WDSUB1: variants seen among roughly 807,000 people sequenced by gnomAD.
WDSUB1 encodes the protein WD repeat, SAM and U-box domain-containing protein 1.
Under a neutral mutation model 53.9 loss-of-function variants are expected in WDSUB1, and 49 were observed. That is an observed-to-expected ratio of 0.91 (90% CI 0.72 to 1.15). The LOEUF (loss-of-function observed/expected upper bound fraction) is 1.15, where lower values mean the gene tolerates loss of function less well. Among genes scored for constraint, WDSUB1 ranks in the 50% most tolerant of loss-of-function variants. WDSUB1 has a pLI of 0.00. For synonymous variants in WDSUB1, 194 were observed against 200.6 expected (o/e 0.97, Z 0.28); for missense variants, 514 against 562.0 (o/e 0.91, Z 0.86).
chr2:159,272,879 CTACTT>C (rs1168048565), intron 4 of WDSUB1, among the ~76,000 whole-genome samples: 6 of 152,100 alleles, frequency 3.9e-5, no homozygotes, highest in African/African-American at 1.2e-4. Context: ...AACATCACAA[CTACTT>C]TAAAAGTATA....
intron 5 of WDSUB1, among the ~76,000 whole-genome samples, chr2:159,262,906 T>C (rs1391043117): frequency 6.6e-6 from 1 of 152,132 alleles, no homozygotes; most frequent in African/African-American, 2.4e-5. Context: ...CTATAGTTCC[T>C]CCCCCAAATT....
chr2:159,252,807 T>A (rs1047503007), intron 9 of WDSUB1, among the ~76,000 whole-genome samples: 1 of 152,168 alleles, frequency 6.6e-6, no homozygotes, highest in African/African-American at 2.4e-5. Context: ...AATTAGAAAA[T>A]GATAAAAATG....
At chr2:159,239,422 ATT>A (rs1318891296) in intron 10 of WDSUB1, among the ~76,000 whole-genome samples, 4 of 152,112 alleles carry the variant, frequency 2.6e-5, no homozygotes, top group Admixed American at 6.5e-5. Flanking sequence ...CAAAATTCAT[ATT>A]GTTTATAGAT....
At chr2:159,258,371 T>C (rs2061115098) in intron 6 of WDSUB1, among the ~76,000 whole-genome samples, 1 of 152,098 alleles carries the variant, frequency 6.6e-6, no homozygotes, top group South Asian at 2.1e-4. Flanking sequence ...TAGAAATTAG[T>C]CCCTTGGCCG....
At chr2:159,270,141 C>T (rs58122090) in intron 5 of WDSUB1, among the ~76,000 whole-genome samples, 1,924 of 152,200 alleles carry the variant, frequency 0.013, 45 homozygotes, top group African/African-American at 0.044. Flanking sequence ...TTATATATTT[C>T]CTTATATTGG....
intron 5 of WDSUB1, among the ~76,000 whole-genome samples, chr2:159,267,158 T>C (rs2061362005): frequency 6.6e-6 from 1 of 152,200 alleles, no homozygotes; most frequent in South Asian, 2.1e-4. Context: ...TACATTTTGA[T>C]CTACTCAAGA....
At chr2:159,254,422 A>G (rs950280836) in intron 9 of WDSUB1, among the ~76,000 whole-genome samples, 1 of 151,992 alleles carries the variant, frequency 6.6e-6, no homozygotes, top group African/African-American at 2.4e-5. Flanking sequence ...TTAGCCAGGC[A>G]TGGTGGCACA....
At chr2:159,271,938 A>G in intron 4 of WDSUB1, 143 bp from the exon 5 acceptor site, 1 of 655,528 alleles carries the variant, frequency 1.5e-6, no homozygotes, top group South Asian at 2.0e-5. Flanking sequence ...CATGCAGCTC[A>G]GATATCTATA....
chr2:159,246,615 C>T (rs960220047), intron 10 of WDSUB1, among the ~76,000 whole-genome samples: 5 of 152,100 alleles, frequency 3.3e-5, no homozygotes, highest in East Asian at 1.9e-4. Context: ...ATTCGCTTAT[C>T]GTACAACCCA....
At chr2:159,283,355 AC>A (rs1182324974) in intron 1 of WDSUB1, among the ~76,000 whole-genome samples, 5 of 152,026 alleles carry the variant, frequency 3.3e-5, no homozygotes, top group African/African-American at 9.7e-5. Flanking sequence ...TAAGCAGCAC[AC>A]CCTCGATCCC....
chr2:159,245,513 A>G (rs948956542), intron 10 of WDSUB1, among the ~76,000 whole-genome samples: 9 of 149,152 alleles, frequency 6.0e-5, no homozygotes, highest in Non-Finnish European at 1.0e-4. Flanking sequence ...AGCGTGGGCA[A>G]CAGAGCAAGA....
Position 159,279,921 on chromosome 2 carries a change from G to C in WDSUB1, c.423C>G (p.Ser141=). 1 of 1,611,540 alleles carries C rather than the reference G, an allele frequency of 6.2e-7. No homozygotes were observed. The highest frequency in any genetic ancestry group is 8.5e-7 in the Non-Finnish European group (1 of 1,178,318). Residue 141 remains serine (S), a synonymous_variant, in exon 3 of 11, where the codon TCC becomes TCG. Transcript: ENST00000359774. ...LYRCGSVKDG[S]LAACAFSPNG... Reference sequence around the variant, plus strand: ...TAGGAGAAAATGCACATGCCGCCAAGGAGCCATCTTTAACACTACCACATC... The same window carrying C: ...TAGGAGAAAATGCACATGCCGCCAACGAGCCATCTTTAACACTACCACATC...
At chr2:159,241,664 T>C (rs1179114848) in intron 10 of WDSUB1, among the ~76,000 whole-genome samples, 3 of 147,824 alleles carry the variant, frequency 2.0e-5, no homozygotes, top group African/African-American at 7.9e-5. Flanking sequence ...CTATCAGTAT[T>C]AGGAATGTAT....
intron 1 of WDSUB1, among the ~76,000 whole-genome samples, chr2:159,284,515 T>C (rs1012963434): frequency 6.6e-6 from 1 of 152,202 alleles, no homozygotes; most frequent in African/African-American, 2.4e-5. Context: ...AAAAGTCTCA[T>C]TGAAAATTTA....
chr2:159,259,943 A>G lies in WDSUB1; in HGVS notation c.771-100T>C. ...AGTAATTTTAGTAACTTTTCTAGAA[A>G]AGACAGATATTAACATACATTTAGA... On this transcript the variant is annotated intron_variant, in intron 5 of 10. Coordinates refer to ENST00000359774, the MANE Select transcript of WDSUB1 (RefSeq NM_001128212.3). 3.3e-6 allele frequency: 4 copies of G among 1,207,330 alleles called. No individual in the cohort carries two copies. In the South Asian group the frequency reaches 6.2e-5, roughly 19 times the overall value. The allele number at this position is 1,207,330 out of a possible 1,614,324, so 74.8% of individuals were successfully genotyped here.
At chr2:159,277,563 C>G (rs954672195) in intron 3 of WDSUB1, among the ~76,000 whole-genome samples, 1 of 152,088 alleles carries the variant, frequency 6.6e-6, no homozygotes, top group African/African-American at 2.4e-5. Flanking sequence ...ATTATAATAA[C>G]CTAACCTACA....
At chr2:159,245,403 C>T (rs1298957444) in intron 10 of WDSUB1, among the ~76,000 whole-genome samples, 2 of 151,960 alleles carry the variant, frequency 1.3e-5, no homozygotes, top group African/African-American at 4.8e-5. Flanking sequence ...CATGGTGTTA[C>T]ACACCTGTAA....
intron 1 of WDSUB1, among the ~76,000 whole-genome samples, chr2:159,285,797 A>G (rs1287289141): frequency 2.0e-5 from 3 of 152,202 alleles, no homozygotes; most frequent in African/African-American, 7.2e-5. Context: ...TTCTTCGAAC[A>G]TAAACTCCAA....
At chr2:159,260,169 G>C (rs1445221694) in intron 5 of WDSUB1, among the ~76,000 whole-genome samples, 1 of 152,082 alleles carries the variant, frequency 6.6e-6, no homozygotes, top group Non-Finnish European at 1.5e-5. Flanking sequence ...TCCGGGCATG[G>C]TGGCGTGCAC....
Sources: gnomAD v4.1 joint callset for allele counts (sites outside exome capture counted in the v4.1 genomes callset) on GRCh38, gnomAD v4.1.1 for gene constraint, MANE v1.5 for transcripts, NCBI Gene and HGNC (gene_info 2026-07-23, HGNC 2026-07-21) for gene names.